The following WDR27 variants were observed in gnomAD, a reference collection of about 807,000 sequenced individuals.
WDR27 encodes the protein WD repeat-containing protein 27.
WDR27 carries 100 observed loss-of-function variants against 114.4 expected under a neutral mutation model. The ratio of observed to expected loss-of-function variants is 0.87; its 90% CI spans 0.74 to 1.03. WDR27 has a LOEUF of 1.03. WDR27 is among the 50% of genes least tolerant of loss of function. The pLI is 0.00. For missense variants in WDR27, 1,129 were observed against 1,092.9 expected (o/e 1.03, Z -0.47); for synonymous variants, 449 against 423.1 (o/e 1.06, Z -0.75).
chr6:169,617,390 T>C (rs1331237849), intron 21 of WDR27, among the ~76,000 whole-genome samples: 2 of 152,168 alleles, frequency 1.3e-5, no homozygotes, highest in Non-Finnish European at 2.9e-5. Context: ...TAATCTTTTT[T>C]TTGAGACCGA....
In WDR27 at chr6:169,615,089, G is replaced by A. The variant is rs997196127; in HGVS notation, c.2224-1433C>T. ...AGAAAATTCAGGATAAGTAGAAAGC[G>A]AAGAAATAAAAAATGTGGAAGAGAA... is the stretch of plus-strand genomic sequence containing the variant. On this transcript the variant is annotated intron_variant, in intron 21 of 25. Coordinates refer to ENST00000448612, the MANE Select transcript of WDR27 (RefSeq NM_182552.5). 3.3e-4 allele frequency among the ~76,000 whole-genome samples: 50 copies of A among 151,892 alleles called. 1 individual carries two copies. Among genetic ancestry groups the A allele is most frequent in the East Asian group, 1.9e-4 (1 of 5,190 alleles).
intron 23 of WDR27, among the ~76,000 whole-genome samples, chr6:169,589,237 A>G (rs1805240075): frequency 6.6e-6 from 1 of 152,216 alleles, no homozygotes; most frequent in Non-Finnish European, 1.5e-5. Flanking sequence ...ATTTCCAATG[A>G]TAAAATACAG....
At chr6:169,459,562 A>T (rs570801721) in intron 25 of WDR27, among the ~76,000 whole-genome samples, 1 of 151,702 alleles carries the variant, frequency 6.6e-6, no homozygotes, top group South Asian at 2.1e-4. Flanking sequence ...TATGTATATA[A>T]ATGTATACAT....
chr6:169,562,375 A>G (rs1799794194), intron 25 of WDR27, among the ~76,000 whole-genome samples: 1 of 152,260 alleles, frequency 6.6e-6, no homozygotes, highest in South Asian at 2.1e-4. Flanking sequence ...AAAACAAAAC[A>G]GCACACTAAT....
At chr6:169,529,300 T>G (rs1795300948) in intron 25 of WDR27, among the ~76,000 whole-genome samples, 1 of 43,464 alleles carries the variant, frequency 2.3e-5, no homozygotes, top group Non-Finnish European at 5.2e-5. Flanking sequence ...ACGTTAACGG[T>G]GGTGACCTCT....
chr6:169,701,076 C>A (rs1787854933), intron 1 of WDR27, among the ~76,000 whole-genome samples: 1 of 152,194 alleles, frequency 6.6e-6, no homozygotes, highest in South Asian at 2.1e-4. Flanking sequence ...CCCAGATAAA[C>A]TGGAAGCTGT....
intron 25 of WDR27, among the ~76,000 whole-genome samples, chr6:169,521,971 AAGTCTT>A (rs1794440493): frequency 6.6e-6 from 1 of 152,048 alleles, no homozygotes; most frequent in Non-Finnish European, 1.5e-5. Flanking sequence ...TGGCCATTGT[AAGTCTT>A]CACTTATCAA....
At chr6:169,692,681 C>T (rs1784818485) in intron 1 of WDR27, among the ~76,000 whole-genome samples, 1 of 152,144 alleles carries the variant, frequency 6.6e-6, no homozygotes, top group Non-Finnish European at 1.5e-5. Context: ...TCCCTGGCAA[C>T]CTATGTGATG....
At position 169,662,441 on chromosome 6, in the gene WDR27, T is replaced by G; in HGVS notation, c.905-17A>C. On this transcript the variant is annotated splice_polypyrimidine_tract_variant and intron_variant, in intron 8 of 25. Transcript: ENST00000448612. ...GGCTTTCTTCTAGGGACAGAATTATTGAGAATCTAAGAAGTGAACTTAAAT... is the reference window on the plus strand; with the variant it reads ...GGCTTTCTTCTAGGGACAGAATTATGGAGAATCTAAGAAGTGAACTTAAAT... 6.2e-7 allele frequency: 1 copy of G among 1,613,034 alleles called. No homozygotes were observed. The highest frequency in any genetic ancestry group is 2.2e-5 in the East Asian group (1 of 44,842).
chr6:169,445,903 G>A, the WDR27 span, among the ~76,000 whole-genome samples: 4 of 152,248 alleles, frequency 2.6e-5, no homozygotes, highest in Admixed American at 2.0e-4. Flanking sequence ...GGCTGGGTGG[G>A]GTGGGGGGAG....
At chr6:169,485,594 G>C (rs1026318117) in intron 25 of WDR27, among the ~76,000 whole-genome samples, 3 of 152,210 alleles carry the variant, frequency 2.0e-5, no homozygotes, top group Non-Finnish European at 4.4e-5. Flanking sequence ...GTGGAAATCA[G>C]TGTGGTGATT....
At chr6:169,515,851 A>T (rs1793565786) in intron 25 of WDR27, among the ~76,000 whole-genome samples, 1 of 150,512 alleles carries the variant, frequency 6.6e-6, no homozygotes, top group Admixed American at 6.6e-5. Flanking sequence ...ATATTTAATA[A>T]TTTTAAAAGA....
intron 14 of WDR27, among the ~76,000 whole-genome samples, chr6:169,650,543 T>C: frequency 7.4e-6 from 1 of 134,974 alleles, no homozygotes; most frequent in South Asian, 2.8e-4. Flanking sequence ...CATCCCTCCA[T>C]TCCTTCATCC....
intron 21 of WDR27, among the ~76,000 whole-genome samples, chr6:169,615,741 ACACCAAAAGCAATTG>A (rs1271908294): frequency 6.6e-6 from 1 of 152,202 alleles, no homozygotes; most frequent in African/African-American, 2.4e-5. Flanking sequence ...CATGACAAAG[ACACCAAAAGCAATTG>A]CAACAAAAGC....
intron 14 of WDR27, among the ~76,000 whole-genome samples, chr6:169,650,333 TCATC>T (rs1243814827): frequency 1.7e-5 from 2 of 117,132 alleles, no homozygotes; most frequent in Non-Finnish European, 3.5e-5. Flanking sequence ...ACCCACCCAC[TCATC>T]CATCCCTCAT....
chr6:169,486,546 C>T (rs1788934940), intron 25 of WDR27, among the ~76,000 whole-genome samples: 1 of 152,140 alleles, frequency 6.6e-6, no homozygotes, highest in African/African-American at 2.4e-5. Flanking sequence ...GGCTGGAGTG[C>T]AGTGGCGCGA....
intron 25 of WDR27, among the ~76,000 whole-genome samples, chr6:169,466,482 A>C (rs1785604750): frequency 6.6e-6 from 1 of 152,202 alleles, no homozygotes. Flanking sequence ...AAACCATCAG[A>C]TCTCATGAGA....
chr6:169,629,379 T>A (rs1169638896), intron 21 of WDR27, among the ~76,000 whole-genome samples: 3 of 152,188 alleles, frequency 2.0e-5, no homozygotes, highest in African/African-American at 7.2e-5. Context: ...GACCAAGTTT[T>A]ATGGCTCTGT....
intron 1 of WDR27, among the ~76,000 whole-genome samples, chr6:169,695,262 G>C (rs997579468): frequency 6.6e-6 from 1 of 152,182 alleles, no homozygotes; most frequent in Non-Finnish European, 1.5e-5. Context: ...AAGCCAGTAC[G>C]GGTTGGTTGC....
Sources: gnomAD v4.1 joint callset for allele counts (sites outside exome capture counted in the v4.1 genomes callset) on GRCh38, gnomAD v4.1.1 for gene constraint, MANE v1.5 for transcripts, NCBI Gene and HGNC (gene_info 2026-07-23, HGNC 2026-07-21) for gene names.